SULT2B1: variants seen among roughly 807,000 people sequenced by gnomAD.
SULT2B1 encodes the protein sulfotransferase family 2B member 1, also known as sulfotransferase 2B1.
A neutral mutation model predicts 33.2 loss-of-function variants in SULT2B1; 16 were observed. That is an observed-to-expected ratio of 0.48 (90% CI 0.33 to 0.73). SULT2B1 has a LOEUF of 0.73. Ranked by LOEUF, SULT2B1 falls within the 30% of genes least tolerant of loss-of-function variation. The probability of loss-of-function intolerance (pLI) is 0.02; values close to 1 mark genes in which losing one functional copy is unlikely to be tolerated. For synonymous variants in SULT2B1, 186 were observed against 200.5 expected, an observed-to-expected ratio of 0.93 and a Z score of 0.61; for missense variants, 500 against 506.0, an observed-to-expected ratio of 0.99 and a Z score of 0.11.
chr19:48,586,847 A>G (rs1279792256), intron 2 of SULT2B1, among the ~76,000 whole-genome samples: 1 of 152,180 alleles, frequency 6.6e-6, no homozygotes, highest in African/African-American at 2.4e-5. Context: ...GTGGTGGCTC[A>G]CAGCTGTAAT....
Position 48,576,078 on chromosome 19 carries a change from A to G in SULT2B1, c.209A>G (p.Lys70Arg). ...DDDIFIITYPKSGTTWMIEII... is the reference protein window; with the variant it reads ...DDDIFIITYPRSGTTWMIEII... ...GACATCTTTATCATCACCTACCCCA[A>G]GTCAGGTACCTGCCGGGCTGCGGGC... Residue 70 changes from lysine to arginine, a missense_variant, in exon 2 of 7, where the codon AAG (lysine) becomes AGG (arginine). Physicochemically the swap from Lys to Arg is conservative, Grantham distance 26. Coordinates refer to ENST00000201586, the MANE Select transcript of SULT2B1 (RefSeq NM_177973.2). 1.2e-6 allele frequency: 2 copies of G among 1,607,486 alleles called. No homozygotes were observed. Among genetic ancestry groups the G allele is most frequent in the East Asian group, 2.2e-5 (1 of 44,742 alleles).
intron 2 of SULT2B1, among the ~76,000 whole-genome samples, chr19:48,581,418 G>A (rs2544789): frequency 0.22 from 33,128 of 148,222 alleles, 4,882 homozygotes; most frequent in African/African-American, 0.42. Flanking sequence ...GTAAAGTGTT[G>A]AAATATTTTT....
chr19:48,581,056 G>A (rs1209654079), intron 2 of SULT2B1, among the ~76,000 whole-genome samples: 6 of 44,256 alleles, frequency 1.4e-4, no homozygotes. Flanking sequence ...TTTTTTTTGA[G>A]ATGGAGTTTC....
chr19:48,589,084 G>T (rs1973607475), intron 3 of SULT2B1, among the ~76,000 whole-genome samples: 1 of 152,230 alleles, frequency 6.6e-6, no homozygotes. Flanking sequence ...GTCAGATGGG[G>T]ACCGACTGTC....
chr19:48,597,654 C>CTTTT (rs372246428), intron 6 of SULT2B1, among the ~76,000 whole-genome samples: 2 of 124,220 alleles, frequency 1.6e-5, no homozygotes, highest in African/African-American at 3.2e-5. Flanking sequence ...TTTCTTTTTT[C>CTTTT]TTTTTTGAGA....
intron 1 of SULT2B1, among the ~76,000 whole-genome samples, chr19:48,556,811 G>A (rs1973104914): frequency 6.6e-6 from 1 of 151,432 alleles, no homozygotes; most frequent in Non-Finnish European, 1.5e-5. Flanking sequence ...ATTAGCCAGA[G>A]TTGTGCCACA....
At chr19:48,567,998 A>G (rs563797474) in intron 1 of SULT2B1, among the ~76,000 whole-genome samples, 1 of 150,312 alleles carries the variant, frequency 6.7e-6, no homozygotes, top group South Asian at 2.2e-4. Flanking sequence ...TAAGCAGGGC[A>G]CGGTGGCTTA....
chr19:48,560,518 C>T (rs1273910996), intron 1 of SULT2B1, among the ~76,000 whole-genome samples: 1 of 151,834 alleles, frequency 6.6e-6, no homozygotes, highest in Non-Finnish European at 1.5e-5. Flanking sequence ...ATGACCCTGG[C>T]CACCCTCCAT....
rs920382672 is a variant in SULT2B1, at chr19:48,591,435, C to T, written c.424-174C>T. On this transcript the variant is annotated intron_variant, in intron 3 of 6. Coordinates refer to ENST00000201586, the MANE Select transcript of SULT2B1 (RefSeq NM_177973.2). ...GCAATGAGCTGAGATGGCGCCACTG[C>T]ACTCCAGCCTGGGCGAAACAGAGTC... Among the ~76,000 whole-genome samples, 11 of 152,168 alleles carry T rather than the reference C, an allele frequency of 7.2e-5. No individual in the cohort carries two copies. The East Asian group carries it at 1.6e-3, about 21-fold the overall frequency.
chr19:48,558,912 C>T (rs1395815754), intron 1 of SULT2B1, among the ~76,000 whole-genome samples: 3 of 152,042 alleles, frequency 2.0e-5, no homozygotes, highest in African/African-American at 7.2e-5. Flanking sequence ...TCTCAAACTC[C>T]TGACCTCGGA....
At chr19:48,576,355 TTC>T (rs1425551564) in intron 2 of SULT2B1, among the ~76,000 whole-genome samples, 2 of 65,860 alleles carry the variant, frequency 3.0e-5, no homozygotes, top group African/African-American at 5.7e-5. Context: ...TACCCTCTAC[TTC>T]TCTTTTTTTT....
intron 1 of SULT2B1, among the ~76,000 whole-genome samples, chr19:48,558,429 T>C (rs922421652): frequency 1.3e-5 from 2 of 152,140 alleles, no homozygotes; most frequent in Non-Finnish European, 2.9e-5. Flanking sequence ...CGCCGGCCTT[T>C]GGACCTGGGG....
At chr19:48,560,601 G>T (rs1033098632) in intron 1 of SULT2B1, among the ~76,000 whole-genome samples, 2 of 151,938 alleles carry the variant, frequency 1.3e-5, no homozygotes, top group Admixed American at 1.3e-4. Context: ...AGAAACAAGT[G>T]AAATTAATTT....
At chr19:48,557,692 G>A (rs188983118) in intron 1 of SULT2B1, among the ~76,000 whole-genome samples, 20 of 152,166 alleles carry the variant, frequency 1.3e-4, no homozygotes, top group Admixed American at 2.0e-4. Context: ...CGAGGTGGGC[G>A]GATCACCTGA....
At chr19:48,555,069 G>A (rs115320571) in intron 1 of SULT2B1, among the ~76,000 whole-genome samples, 1,525 of 152,052 alleles carry the variant, frequency 0.01, 32 homozygotes, top group African/African-American at 0.035. Flanking sequence ...TGACAGGCGC[G>A]TGCCACTGCG....
intron 1 of SULT2B1, among the ~76,000 whole-genome samples, chr19:48,570,506 G>A (rs1285272623): frequency 2.0e-5 from 3 of 151,874 alleles, no homozygotes; most frequent in Admixed American, 6.6e-5. Flanking sequence ...GAGTAGTATC[G>A]CATGGCACAG....
At chr19:48,554,043 C>T (rs1428241958) in intron 1 of SULT2B1, among the ~76,000 whole-genome samples, 1 of 152,048 alleles carries the variant, frequency 6.6e-6, no homozygotes, top group Non-Finnish European at 1.5e-5. Context: ...AAGTGGGTGA[C>T]CTTGGTTTAG....
At chr19:48,598,774 G>A (rs562283272) in intron 6 of SULT2B1, among the ~76,000 whole-genome samples, 25 of 152,244 alleles carry the variant, frequency 1.6e-4, no homozygotes, top group African/African-American at 5.8e-4. Context: ...TCTAGCAGGG[G>A]AGGTTTGGGA....
At position 48,575,957 on chromosome 19, in the gene SULT2B1, G is replaced by A; in HGVS notation, c.88G>A (p.Glu30Lys). ...TTTCCACAGCCAGAAGTTGCCAGGT[G>A]AATACTTCCGGTACAAGGGCGTCCC... is the stretch of plus-strand genomic sequence containing the variant. ...ISEISQKLPG[E>K]YFRYKGVPFP... The change falls in exon 2 of 7, where the codon GAA (glutamate) becomes AAA (lysine). Residue 30 changes from glutamate (E) to lysine (K), a missense_variant. Physicochemically the swap from Glu to Lys is moderately conservative, Grantham distance 56. Coordinates refer to ENST00000201586, the MANE Select transcript of SULT2B1 (RefSeq NM_177973.2). 1 of 1,613,178 alleles carries A rather than the reference G, an allele frequency of 6.2e-7. No individual in the cohort carries two copies. Among genetic ancestry groups the A allele is most frequent in the Non-Finnish European group, 8.5e-7 (1 of 1,179,320 alleles).
Sources: gnomAD v4.1 joint callset for allele counts (sites outside exome capture counted in the v4.1 genomes callset) on GRCh38, gnomAD v4.1.1 for gene constraint, MANE v1.5 for transcripts, NCBI Gene and HGNC (gene_info 2026-07-23, HGNC 2026-07-21) for gene names.